The following DIP2C variants were observed in gnomAD, a reference collection of about 807,000 sequenced individuals.
DIP2C encodes disco-interacting protein 2 homolog C.
In DIP2C, 33 loss-of-function variants were observed where a neutral mutation model predicts 192.4. The ratio of observed to expected loss-of-function variants is 0.17; its 90% CI spans 0.13 to 0.23. The LOEUF is 0.23. DIP2C is among the 10% of genes least tolerant of loss of function. The pLI, the probability that DIP2C is intolerant of heterozygous loss-of-function variation, is 1.00. For missense variants in DIP2C, 1,537 were observed against 2,110.1 expected, an observed-to-expected ratio of 0.73 and a Z score of 5.32; for synonymous variants, 979 against 864.1, an observed-to-expected ratio of 1.13 and a Z score of -2.33.
At position 356,517 on chromosome 10, in the gene DIP2C, G is replaced by C. The variant is rs756103166; in HGVS notation, c.2905-11C>G. 14 of 1,608,054 alleles carry C rather than the reference G, an allele frequency of 8.7e-6. No homozygotes were observed. Among genetic ancestry groups the C allele is most frequent in the Middle Eastern group, 3.3e-4 (2 of 6,072 alleles). Reference sequence around the variant, plus strand: ...TGAGAGGAACAGGAACTGGAACAGAGCACGGGCATGAGGATCAGGCTGTGC... The same window carrying C: ...TGAGAGGAACAGGAACTGGAACAGACCACGGGCATGAGGATCAGGCTGTGC... On this transcript the variant is annotated splice_polypyrimidine_tract_variant and intron_variant, in intron 23 of 36. Transcript: ENST00000280886.
Position 298,676 on chromosome 10 carries a change from A to C in DIP2C, c.3987-10255T>G, listed in dbSNP as rs529000291. Among the ~76,000 whole-genome samples, 92 of 152,356 alleles carry C rather than the reference A, an allele frequency of 6.0e-4. 2 individuals carry two copies. The highest frequency in any genetic ancestry group is 5.2e-3 in the South Asian group (25 of 4,832). On this transcript the variant is annotated intron_variant, in intron 32 of 36. Coordinates refer to ENST00000280886, the MANE Select transcript of DIP2C (RefSeq NM_014974.3). ...GACCGTGGGGCTGCAGCATTCTCCC[A>C]GGTGGAATGAGCACAGAGAGCTGAT...
At chr10:540,490 T>C (rs2130898290) in intron 1 of DIP2C, among the ~76,000 whole-genome samples, 1 of 152,272 alleles carries the variant, frequency 6.6e-6, no homozygotes, top group East Asian at 1.9e-4. Context: ...CAGTCTTGAG[T>C]CCTCTTCTCC....
intron 1 of DIP2C, among the ~76,000 whole-genome samples, chr10:635,983 C>A (rs1477384344): frequency 6.6e-6 from 1 of 152,208 alleles, no homozygotes; most frequent in African/African-American, 2.4e-5. Flanking sequence ...CCAAGTGAAG[C>A]CGTTACCACA....
At chr10:414,163 G>A (rs1439211763) in intron 7 of DIP2C, 53 bp from the exon 8 acceptor site, 4 of 1,539,832 alleles carry the variant, frequency 2.6e-6, no homozygotes, top group East Asian at 2.3e-5. Flanking sequence ...ACATTAGCAT[G>A]GCTACTTTTT....
At chr10:628,385 C>T (rs1444483107) in intron 1 of DIP2C, among the ~76,000 whole-genome samples, 2 of 152,206 alleles carry the variant, frequency 1.3e-5, no homozygotes, top group South Asian at 2.1e-4. Context: ...TTAAAAAATA[C>T]CCCAATCAAG....
At chr10:351,371 G>A (rs1436201943) in intron 24 of DIP2C, among the ~76,000 whole-genome samples, 1 of 152,174 alleles carries the variant, frequency 6.6e-6, no homozygotes, top group Non-Finnish European at 1.5e-5. Flanking sequence ...CAAGACAGCC[G>A]ATGAGCGCAG....
chr10:318,181 T>C (rs888059344), intron 31 of DIP2C, among the ~76,000 whole-genome samples: 34 of 152,190 alleles, frequency 2.2e-4, no homozygotes, highest in Admixed American at 1.3e-3. Flanking sequence ...TGCCACACTT[T>C]GGTCACCATA....
chr10:662,060 C>G, intron 1 of DIP2C: 1 of 717,126 alleles, frequency 1.4e-6, no homozygotes, highest in Non-Finnish European at 2.6e-6. Flanking sequence ...CCACAGCATA[C>G]CGCACATCAA....
intron 1 of DIP2C, among the ~76,000 whole-genome samples, chr10:601,928 GAT>G (rs1484974108): frequency 6.6e-6 from 1 of 152,176 alleles, no homozygotes; most frequent in Non-Finnish European, 1.5e-5. Flanking sequence ...GTTTTGTTCT[GAT>G]TGATCAGTGG....
intron 1 of DIP2C, among the ~76,000 whole-genome samples, chr10:568,096 C>G (rs1849554648): frequency 6.6e-6 from 1 of 152,180 alleles, no homozygotes; most frequent in Non-Finnish European, 1.5e-5. Context: ...CTGTCACAGC[C>G]CTGGAGCTCC....
chr10:467,148 G>T (rs144714637), intron 3 of DIP2C, among the ~76,000 whole-genome samples: 1 of 152,032 alleles, frequency 6.6e-6, no homozygotes, highest in Non-Finnish European at 1.5e-5. Flanking sequence ...GTCCAACAAT[G>T]ATAGACTGGA....
intron 1 of DIP2C, among the ~76,000 whole-genome samples, chr10:633,666 C>T (rs1163468243): frequency 6.6e-6 from 1 of 152,226 alleles, no homozygotes; most frequent in Non-Finnish European, 1.5e-5. Context: ...TTTAAAACTG[C>T]TCGGCTCTGG....
At chr10:649,629 A>T (rs1855729751) in intron 1 of DIP2C, among the ~76,000 whole-genome samples, 1 of 152,238 alleles carries the variant, frequency 6.6e-6, no homozygotes, top group Non-Finnish European at 1.5e-5. Context: ...GTTACAGCAA[A>T]TGCCATTCAT....
chr10:386,291 C>A (rs979692885), intron 14 of DIP2C, among the ~76,000 whole-genome samples: 1 of 152,216 alleles, frequency 6.6e-6, no homozygotes, highest in Non-Finnish European at 1.5e-5. Flanking sequence ...CAAATAGGAT[C>A]GTCGTTCCAT....
At chr10:462,061 C>A (rs1370258406) in intron 3 of DIP2C, among the ~76,000 whole-genome samples, 6 of 151,942 alleles carry the variant, frequency 3.9e-5, no homozygotes, top group Admixed American at 2.0e-4. Context: ...GCACTAAATG[C>A]CCACAAGAAA....
At chr10:675,899 C>T (rs1306502582) in intron 1 of DIP2C, among the ~76,000 whole-genome samples, 1 of 152,070 alleles carries the variant, frequency 6.6e-6, no homozygotes, top group Non-Finnish European at 1.5e-5. Context: ...GGAATTCTGC[C>T]AAGTTCATTC....
intron 1 of DIP2C, among the ~76,000 whole-genome samples, chr10:557,131 C>G (rs370464036): frequency 6.6e-6 from 1 of 152,340 alleles, no homozygotes; most frequent in East Asian, 1.9e-4. Context: ...GTAAGACCAG[C>G]ACTCCTATGT....
intron 31 of DIP2C, among the ~76,000 whole-genome samples, chr10:313,553 T>C (rs148967527): frequency 2.0e-3 from 311 of 152,324 alleles, no homozygotes; most frequent in African/African-American, 7.2e-3. Context: ...ACACAGCATT[T>C]ACATCGTATT....
At chr10:581,574 T>C (rs1850665718) in intron 1 of DIP2C, among the ~76,000 whole-genome samples, 2 of 152,210 alleles carry the variant, frequency 1.3e-5, no homozygotes, top group South Asian at 4.1e-4. Context: ...AATGTATTTT[T>C]GGTAAAGTTA....
Sources: gnomAD v4.1 joint callset for allele counts (sites outside exome capture counted in the v4.1 genomes callset) on GRCh38, gnomAD v4.1.1 for gene constraint, MANE v1.5 for transcripts, NCBI Gene and HGNC (gene_info 2026-07-23, HGNC 2026-07-21) for gene names.